The following ACTR3C variants were observed in gnomAD, a reference collection of about 807,000 sequenced individuals.
ACTR3C encodes actin-related protein 3C.
A neutral mutation model predicts 26.3 loss-of-function variants in ACTR3C; 18 were observed. The ratio of observed to expected loss-of-function variants is 0.68; its 90% CI spans 0.47 to 1.01. The LOEUF is 1.01. ACTR3C is among the 50% of genes least tolerant of loss of function. The probability of loss-of-function intolerance (pLI) is 0.00; values close to 1 mark genes in which losing one functional copy is unlikely to be tolerated. For synonymous variants in ACTR3C, 55 were observed against 94.5 expected, an observed-to-expected ratio of 0.58 and a Z score of 2.42; for missense variants, 184 against 250.7, an observed-to-expected ratio of 0.73 and a Z score of 1.80.
At chr7:150,103,708 A>C in the ACTR3C span, among the ~76,000 whole-genome samples, 4 of 151,916 alleles carry the variant, frequency 2.6e-5, no homozygotes, top group Non-Finnish European at 4.4e-5. Context: ...CTTCCAAAAA[A>C]ATTGCCTTGT....
At chr7:150,037,449 C>A in the ACTR3C span, among the ~76,000 whole-genome samples, 1 of 50,632 alleles carries the variant, frequency 2.0e-5, no homozygotes. Context: ...ATCCCTGCCT[C>A]GCGGGGGGTG....
At chr7:150,209,102 GA>G in the ACTR3C span, among the ~76,000 whole-genome samples, 1 of 151,672 alleles carries the variant, frequency 6.6e-6, no homozygotes, top group Admixed American at 6.6e-5. Context: ...CCAGGGAAAA[GA>G]AAAATTTAAA....
the ACTR3C span, among the ~76,000 whole-genome samples, chr7:150,198,493 G>A: frequency 7.1e-6 from 1 of 140,502 alleles, no homozygotes; most frequent in Non-Finnish European, 1.5e-5. Flanking sequence ...CCTCTGCCCC[G>A]CCGCCCCATC....
At chr7:150,227,688 G>GTGTTTTTT in the ACTR3C span, among the ~76,000 whole-genome samples, 49 of 111,372 alleles carry the variant, frequency 4.4e-4, no homozygotes, top group East Asian at 1.3e-3. Context: ...TTGTGTCTGG[G>GTGTTTTTT]TTTTTTTTTT....
chr7:150,168,764 T>A, the ACTR3C span, among the ~76,000 whole-genome samples: 1 of 150,604 alleles, frequency 6.6e-6, no homozygotes, highest in South Asian at 2.1e-4. Context: ...CAGCCCCAAG[T>A]AGGTTGAATG....
chr7:150,127,139 G>GAC, the ACTR3C span, among the ~76,000 whole-genome samples: 3,395 of 129,540 alleles, frequency 0.026, 50 homozygotes, highest in East Asian at 0.059. Context: ...CCTACCATTA[G>GAC]ACACACACAC....
At chr7:150,093,917 T>C in the ACTR3C span, among the ~76,000 whole-genome samples, 6 of 150,838 alleles carry the variant, frequency 4.0e-5, no homozygotes, top group Non-Finnish European at 7.4e-5. Flanking sequence ...GTGCAGATAG[T>C]CTTTTAAGTG....
rs569288856 is a variant in ACTR3C at position 150,247,675 on chromosome 7, G to A, written c.*39-106C>T. The A allele has an allele frequency of 2.7e-3, 387 of 142,054 alleles. 1 individual carries two copies. Among genetic ancestry groups the A allele is most frequent in the African/African-American group, 1.0e-2 (373 of 37,444 alleles). 8.8% of individuals were successfully genotyped at this position (142,054 alleles called of 1,614,324 possible). A position where few individuals can be genotyped will look rare whatever the true frequency, so the allele number is the denominator to read the frequency against. ...TTTTGATATGCCCCCACCAAATCTCGTGTTGAACTGTAATCTCCACTCTTG... is the reference window on the plus strand; with the variant it reads ...TTTTGATATGCCCCCACCAAATCTCATGTTGAACTGTAATCTCCACTCTTG... On this transcript the variant is annotated intron_variant, in intron 7 of 7. Coordinates refer to ENST00000683684, the MANE Select transcript of ACTR3C (RefSeq NM_001164458.2).
the ACTR3C span, among the ~76,000 whole-genome samples, chr7:149,957,504 A>T: frequency 6.6e-6 from 1 of 152,010 alleles, no homozygotes; most frequent in Non-Finnish European, 1.5e-5. Context: ...GAGCTAGGGT[A>T]CCCTTCTTCT....
chr7:149,888,750 G>A, the ACTR3C span, among the ~76,000 whole-genome samples: 1 of 152,214 alleles, frequency 6.6e-6, no homozygotes, highest in Non-Finnish European at 1.5e-5. Flanking sequence ...GCTCACACCT[G>A]TAATCCCAGC....
At chr7:149,950,616 G>A in the ACTR3C span, among the ~76,000 whole-genome samples, 6 of 149,400 alleles carry the variant, frequency 4.0e-5, no homozygotes, top group Non-Finnish European at 7.4e-5. Context: ...GAGACACAAA[G>A]TCAGGAGAAC....
At chr7:149,953,257 C>T in the ACTR3C span, among the ~76,000 whole-genome samples, 1 of 149,412 alleles carries the variant, frequency 6.7e-6, no homozygotes, top group Non-Finnish European at 1.5e-5. Flanking sequence ...AAACATAGAG[C>T]TAAGTTGGAC....
chr7:149,937,197 G>GCTCAT, the ACTR3C span, among the ~76,000 whole-genome samples: 1 of 1,888 alleles, frequency 5.3e-4, no homozygotes, highest in African/African-American at 5.8e-4. Flanking sequence ...GTAGCGCTTT[G>GCTCAT]TGCTACAAAT....
At chr7:149,921,139 T>A in the ACTR3C span, among the ~76,000 whole-genome samples, 42 of 152,360 alleles carry the variant, frequency 2.8e-4, no homozygotes, top group African/African-American at 8.7e-4. Flanking sequence ...TGAGTCCTTA[T>A]ATTAATATTA....
chr7:149,918,045 C>A, the ACTR3C span, among the ~76,000 whole-genome samples: 2 of 152,084 alleles, frequency 1.3e-5, no homozygotes, highest in East Asian at 3.8e-4. Context: ...CCTTGGCTTG[C>A]TGCATAGAAA....
At chr7:150,256,816 A>G (rs1164243145) in intron 6 of ACTR3C, among the ~76,000 whole-genome samples, 2 of 152,246 alleles carry the variant, frequency 1.3e-5, no homozygotes, top group African/African-American at 4.8e-5. Context: ...CAAAAACAAA[A>G]TTAGTTGGCT....
the ACTR3C span, among the ~76,000 whole-genome samples, chr7:150,037,367 T>G: frequency 5.9e-3 from 302 of 51,488 alleles, 1 homozygote; most frequent in African/African-American, 0.017. Context: ...AGTCCCCGCC[T>G]CGCGGGGGGT....
chr7:149,926,115 G>T, the ACTR3C span, among the ~76,000 whole-genome samples: 2 of 151,796 alleles, frequency 1.3e-5, no homozygotes, highest in Admixed American at 1.3e-4. Context: ...ATCTGGGAAT[G>T]AAAAAAACCT....
chr7:150,180,571 G>C, the ACTR3C span, among the ~76,000 whole-genome samples: 1 of 144,098 alleles, frequency 6.9e-6, no homozygotes, highest in African/African-American at 2.8e-5. Flanking sequence ...GGAGTGCAGT[G>C]GCGCGGTCTC....
Sources: gnomAD v4.1 joint callset for allele counts (sites outside exome capture counted in the v4.1 genomes callset) on GRCh38, gnomAD v4.1.1 for gene constraint, MANE v1.5 for transcripts, NCBI Gene and HGNC (gene_info 2026-07-23, HGNC 2026-07-21) for gene names.